Variants in CAMK2D observed in about 807,000 individuals in gnomAD.
The protein encoded by CAMK2D is calcium/calmodulin-dependent protein kinase type II subunit delta.
Under a neutral mutation model 84.0 loss-of-function variants are expected in CAMK2D, and 37 were observed. The observed-to-expected ratio is 0.44, with a 90% CI of 0.34 to 0.58. The LOEUF (loss-of-function observed/expected upper bound fraction) is 0.58. CAMK2D is among the 20% of genes least tolerant of loss of function. The probability of loss-of-function intolerance (pLI) is 0.02; values close to 1 mark genes in which losing one functional copy is unlikely to be tolerated. For missense variants in CAMK2D, 448 were observed against 652.5 expected (o/e 0.69, Z 3.41); for synonymous variants, 202 against 212.5 (o/e 0.95, Z 0.43).
rs113294475 is a variant in CAMK2D, at chr4:113,631,808, C to T, written c.221-22602G>A. On this transcript the variant is annotated intron_variant, in intron 3 of 20. Coordinates refer to ENST00000511664, the MANE Select transcript of CAMK2D (RefSeq NM_001321571.2). ...AAAATTAATTCAGAAAGTAGATACA[C>T]GTCAACACTAAGTGAAGAAACAAGT... Among the ~76,000 whole-genome samples the T allele has an allele frequency of 6.0e-3, 909 of 152,244 alleles. 6 individuals carry two copies. Among genetic ancestry groups the T allele is most frequent in the African/African-American group, 0.018 (741 of 41,544 alleles).
At chr4:113,490,132 A>C (rs2097815662) in intron 16 of CAMK2D, among the ~76,000 whole-genome samples, 1 of 146,878 alleles carries the variant, frequency 6.8e-6, no homozygotes, top group African/African-American at 2.5e-5. Context: ...GCTGTGCAGA[A>C]GCTCTTTAGT....
chr4:113,626,202 T>C (rs763265250), intron 3 of CAMK2D, among the ~76,000 whole-genome samples: 22 of 152,106 alleles, frequency 1.4e-4, no homozygotes, highest in Non-Finnish European at 2.8e-4. Flanking sequence ...TATACTGGAA[T>C]ATATGAAGAT....
chr4:113,736,134 A>AC (rs1195891604), intron 2 of CAMK2D, among the ~76,000 whole-genome samples: 1 of 150,582 alleles, frequency 6.6e-6, no homozygotes, highest in African/African-American at 2.4e-5. Context: ...AGTAGAATTA[A>AC]AAAAAAAAAA....
chr4:113,498,401 G>C (rs1002080634), intron 16 of CAMK2D, among the ~76,000 whole-genome samples: 1 of 152,070 alleles, frequency 6.6e-6, no homozygotes, highest in African/African-American at 2.4e-5. Context: ...TATTAAAAGG[G>C]TTAGTCTCCA....
chr4:113,740,300 C>G (rs1446189512), intron 2 of CAMK2D, among the ~76,000 whole-genome samples: 2 of 151,808 alleles, frequency 1.3e-5, no homozygotes, highest in Non-Finnish European at 2.9e-5. Context: ...GTGGTATACC[C>G]ATATAATGAA....
At chr4:113,712,055 C>T (rs72895986) in intron 2 of CAMK2D, among the ~76,000 whole-genome samples, 2 of 152,074 alleles carry the variant, frequency 1.3e-5, no homozygotes, top group African/African-American at 4.8e-5. Flanking sequence ...CCTTAAACTT[C>T]CACTTTTAGA....
intron 2 of CAMK2D, among the ~76,000 whole-genome samples, chr4:113,747,100 T>G (rs2099606015): frequency 6.6e-6 from 1 of 151,896 alleles, no homozygotes; most frequent in Non-Finnish European, 1.5e-5. Context: ...TTTTTTACTG[T>G]TGCTAAAATT....
intron 4 of CAMK2D, among the ~76,000 whole-genome samples, chr4:113,575,881 T>A (rs115068425): frequency 6.6e-6 from 1 of 152,308 alleles, no homozygotes; most frequent in African/African-American, 2.4e-5. Context: ...ATTTTAGTTA[T>A]GTAAAGTTTT....
intron 16 of CAMK2D, among the ~76,000 whole-genome samples, chr4:113,480,114 G>A (rs908699232): frequency 5.9e-5 from 9 of 151,874 alleles, no homozygotes; most frequent in East Asian, 3.9e-4. Context: ...GGTGCATGCC[G>A]CCACACCGGC....
intron 16 of CAMK2D, among the ~76,000 whole-genome samples, chr4:113,491,978 G>C (rs995869151): frequency 6.6e-6 from 1 of 151,502 alleles, no homozygotes; most frequent in African/African-American, 2.4e-5. Context: ...CTGTGGGATC[G>C]GTGGTGATAT....
At chr4:113,506,886 C>A (rs975938718) in intron 13 of CAMK2D, among the ~76,000 whole-genome samples, 8 of 149,924 alleles carry the variant, frequency 5.3e-5, no homozygotes, top group African/African-American at 1.5e-4. Flanking sequence ...TACAAGTGCA[C>A]ATGTTCCCCC....
intron 13 of CAMK2D, 101 bp from the exon 14 acceptor site, chr4:113,505,136 A>C: frequency 1.8e-6 from 1 of 548,570 alleles, no homozygotes; most frequent in Non-Finnish European, 3.1e-6. Flanking sequence ...ACATGAAGAT[A>C]AAGAGCCACT....
chr4:113,672,729 C>T (rs1170579469), intron 2 of CAMK2D, among the ~76,000 whole-genome samples: 1 of 151,238 alleles, frequency 6.6e-6, no homozygotes, highest in South Asian at 2.1e-4. Context: ...ATTCTATATT[C>T]TTTGTTTACC....
chr4:113,593,142 C>G (rs1449948662), intron 4 of CAMK2D, among the ~76,000 whole-genome samples: 1 of 152,228 alleles, frequency 6.6e-6, no homozygotes, highest in Non-Finnish European at 1.5e-5. Context: ...GTATAAGCCA[C>G]TGTGCCCAGC....
intron 3 of CAMK2D, among the ~76,000 whole-genome samples, chr4:113,637,412 A>C (rs1044442876): frequency 4.6e-5 from 7 of 152,192 alleles, no homozygotes; most frequent in African/African-American, 1.7e-4. Flanking sequence ...AAATAATGTA[A>C]AATAAAATAT....
chr4:113,489,650 T>C (rs2097803429), intron 16 of CAMK2D, among the ~76,000 whole-genome samples: 1 of 149,946 alleles, frequency 6.7e-6, no homozygotes, highest in Non-Finnish European at 1.5e-5. Flanking sequence ...CCTTTGGGTA[T>C]ACACCCAGTA....
At chr4:113,680,785 G>A (rs1024806761) in intron 2 of CAMK2D, among the ~76,000 whole-genome samples, 1 of 152,172 alleles carries the variant, frequency 6.6e-6, no homozygotes, top group African/African-American at 2.4e-5. Context: ...ATTAGGATAC[G>A]GAGTGATGGC....
chr4:113,689,603 C>T (rs1335059336), intron 2 of CAMK2D, among the ~76,000 whole-genome samples: 4 of 152,180 alleles, frequency 2.6e-5, no homozygotes, highest in Admixed American at 2.6e-4. Context: ...AAAGTTTGCA[C>T]TTCCTTTTTT....
chr4:113,660,276 CTTGT>C (rs1168678408), intron 3 of CAMK2D, among the ~76,000 whole-genome samples: 1 of 152,110 alleles, frequency 6.6e-6, no homozygotes, highest in Non-Finnish European at 1.5e-5. Context: ...CTGTGTTTTT[CTTGT>C]TTCTTATATT....
Sources: gnomAD v4.1 joint callset for allele counts (sites outside exome capture counted in the v4.1 genomes callset) on GRCh38, gnomAD v4.1.1 for gene constraint, MANE v1.5 for transcripts, NCBI Gene and HGNC (gene_info 2026-07-23, HGNC 2026-07-21) for gene names.